CEP112: variants seen among roughly 807,000 people sequenced by gnomAD.
The protein encoded by CEP112 is centrosomal protein of 112 kDa.
In CEP112, 127 loss-of-function variants were observed where a neutral mutation model predicts 153.0. The observed-to-expected ratio is 0.83, with a 90% CI of 0.72 to 0.96. The LOEUF is 0.96. Among genes scored for constraint, CEP112 ranks in the 40% least tolerant of loss-of-function variants. The pLI is 0.00. For missense variants in CEP112, 1,089 were observed against 1,101.2 expected (o/e 0.99, Z 0.16); for synonymous variants, 358 against 374.4 (o/e 0.96, Z 0.51).
intron 21 of CEP112, among the ~76,000 whole-genome samples, chr17:65,803,801 CT>C (rs2055426173): frequency 6.6e-6 from 1 of 152,156 alleles, no homozygotes; most frequent in African/African-American, 2.4e-5. Flanking sequence ...AATTAAATGT[CT>C]TACTGTGTTT....
chr17:65,812,786 G>A (rs531124745), intron 21 of CEP112, among the ~76,000 whole-genome samples: 2 of 152,072 alleles, frequency 1.3e-5, no homozygotes, highest in Non-Finnish European at 2.9e-5. Context: ...TTCAAGCATT[G>A]TTGTTTAAAC....
chr17:65,993,621 T>C (rs922988111), intron 17 of CEP112, among the ~76,000 whole-genome samples: 1 of 152,130 alleles, frequency 6.6e-6, no homozygotes, highest in African/African-American at 2.4e-5. Flanking sequence ...AATGGATAAA[T>C]ATATGGTGGT....
intron 20 of CEP112, among the ~76,000 whole-genome samples, chr17:65,867,565 AT>A (rs2058526848): frequency 6.6e-6 from 1 of 152,188 alleles, no homozygotes. Context: ...AGTTTAAGAG[AT>A]TGGGGTTAAT....
chr17:66,154,119 C>T (rs2071329281), intron 4 of CEP112, among the ~76,000 whole-genome samples: 1 of 151,822 alleles, frequency 6.6e-6, no homozygotes, highest in African/African-American at 2.4e-5. Context: ...GTGGAGGTTG[C>T]AGTGAGCCAA....
chr17:65,984,806 A>T (rs935838298), intron 17 of CEP112, among the ~76,000 whole-genome samples: 1 of 152,210 alleles, frequency 6.6e-6, no homozygotes, highest in Non-Finnish European at 1.5e-5. Context: ...ATAGTTACTG[A>T]AGCTATACTT....
chr17:66,032,403 A>C (rs1017236279), intron 12 of CEP112, among the ~76,000 whole-genome samples: 1 of 151,834 alleles, frequency 6.6e-6, no homozygotes, highest in African/African-American at 2.4e-5. Flanking sequence ...CTGCAGTATC[A>C]GTGTACTTAG....
At chr17:66,074,505 T>C (rs2067413115) in intron 8 of CEP112, among the ~76,000 whole-genome samples, 1 of 152,104 alleles carries the variant, frequency 6.6e-6, no homozygotes, top group Admixed American at 6.6e-5. Flanking sequence ...CAATGAACTC[T>C]ATGCAGGATA....
At chr17:65,922,019 A>C (rs1223324637) in intron 19 of CEP112, among the ~76,000 whole-genome samples, 3 of 152,206 alleles carry the variant, frequency 2.0e-5, no homozygotes, top group Non-Finnish European at 1.5e-5. Context: ...TAATTGGGTC[A>C]GAGGGTGTAA....
rs189917118 is a variant in CEP112 at position 65,720,881 on chromosome 17, A to C, written c.2607+22187T>G. On this transcript the variant is annotated intron_variant, in intron 23 of 26. Coordinates refer to ENST00000535342, the MANE Select transcript of CEP112 (RefSeq NM_001199165.4). ...TTTCTCTCATTTTGGAAATGAGGAA[A>C]CTGCTGCACAGAGAGGTTAAATAAC... Among the ~76,000 whole-genome samples, 420 of 152,254 alleles carry C rather than the reference A, an allele frequency of 2.8e-3. 5 individuals carry two copies. The highest frequency in any genetic ancestry group is 9.7e-3 in the African/African-American group (402 of 41,556).
intron 18 of CEP112, among the ~76,000 whole-genome samples, chr17:65,960,645 A>C (rs1421591498): frequency 6.6e-6 from 1 of 152,234 alleles, no homozygotes; most frequent in East Asian, 1.9e-4. Context: ...TGTCACTTCT[A>C]TCACATGGAT....
chr17:66,125,633 G>A lies in CEP112; in HGVS notation c.642+4113C>T, dbSNP rs183812295. ...CTGAAATTAGATGCTTACTTAATGA[G>A]AATTGTCCCAACTAATCATACCACA... On this transcript the variant is annotated intron_variant, in intron 6 of 26. Transcript: ENST00000535342. Among the ~76,000 whole-genome samples, 463 of 151,844 alleles carry A rather than the reference G, an allele frequency of 3.0e-3. 2 individuals are homozygous for A. The highest frequency in any genetic ancestry group is 0.01 in the African/African-American group (432 of 41,404).
chr17:66,031,369 A>C (rs12943607), intron 12 of CEP112, among the ~76,000 whole-genome samples: 140,673 of 151,880 alleles, frequency 0.93, 65,381 homozygotes, highest in East Asian at 0.97. Context: ...CAAATTCCAT[A>C]CTAATAAACC....
At chr17:66,066,992 A>G (rs553680899) in intron 9 of CEP112, 115 bp from the exon 10 acceptor site, 4 of 593,472 alleles carry the variant, frequency 6.7e-6, no homozygotes, top group African/African-American at 2.0e-5. Flanking sequence ...ATTTTAACAA[A>G]TATGACTACA....
chr17:65,652,331 C>T (rs905633639), intron 24 of CEP112, among the ~76,000 whole-genome samples: 2 of 151,946 alleles, frequency 1.3e-5, no homozygotes, highest in African/African-American at 4.8e-5. Flanking sequence ...TTCTCTGTGC[C>T]TCAGTTTTCT....
At chr17:66,177,419 T>C (rs949273849) in intron 2 of CEP112, among the ~76,000 whole-genome samples, 1 of 151,524 alleles carries the variant, frequency 6.6e-6, no homozygotes, top group Non-Finnish European at 1.5e-5. Context: ...TAGATTATCA[T>C]TAAATAACTT....
chr17:65,752,175 C>T (rs991368131), intron 21 of CEP112, among the ~76,000 whole-genome samples: 1 of 151,952 alleles, frequency 6.6e-6, no homozygotes, highest in African/African-American at 2.4e-5. Flanking sequence ...TTTACTTTCA[C>T]CTGTCTGTTT....
At chr17:65,976,849 G>A (rs62064323) in intron 17 of CEP112, among the ~76,000 whole-genome samples, 61,769 of 149,286 alleles carry the variant, frequency 0.41, 14,155 homozygotes, top group East Asian at 0.87. Flanking sequence ...AGCGATTTTC[G>A]TGCCTCAGCC....
At chr17:65,979,590 T>C (rs1023206925) in intron 17 of CEP112, among the ~76,000 whole-genome samples, 1 of 152,098 alleles carries the variant, frequency 6.6e-6, no homozygotes, top group African/African-American at 2.4e-5. Context: ...ATCACACAAA[T>C]TATTATATCA....
intron 19 of CEP112, among the ~76,000 whole-genome samples, chr17:65,908,505 G>C (rs2060166031): frequency 6.6e-6 from 1 of 152,154 alleles, no homozygotes. Flanking sequence ...AGACCAGCCT[G>C]ACCAACAAGG....
Sources: allele counts gnomAD v4.1 joint callset (sites outside exome capture counted in the v4.1 genomes callset), GRCh38; gene constraint gnomAD v4.1.1; transcripts MANE v1.5; gene names NCBI Gene and HGNC (gene_info 2026-07-23, HGNC 2026-07-21).